BRWD1: variants seen among roughly 807,000 people sequenced by gnomAD.
BRWD1 encodes bromodomain and WD repeat-containing protein 1.
Under a neutral mutation model 251.2 loss-of-function variants are expected in BRWD1, and 82 were observed. That is an observed-to-expected ratio of 0.33 (90% CI 0.27 to 0.39). BRWD1 has a LOEUF of 0.39. BRWD1 is among the 10% of genes least tolerant of loss of function. The pLI, the probability that BRWD1 is intolerant of heterozygous loss-of-function variation, is 1.00. For missense variants in BRWD1, 2,233 were observed against 2,711.6 expected (o/e 0.82, Z 3.92); for synonymous variants, 918 against 902.8 (o/e 1.02, Z -0.30).
intron 19 of BRWD1, 84 bp downstream of exon 19, chr21:39,255,561 T>C: frequency 6.1e-6 from 7 of 1,140,356 alleles, no homozygotes; most frequent in Non-Finnish European, 8.9e-6. Flanking sequence ...ATTTACACAA[T>C]TAATGGAATA....
upstream of BRWD1, chr21:39,314,743 A>G (rs1009662606): frequency 5.6e-5 from 12 of 214,458 alleles, no homozygotes. Flanking sequence ...TACACACCAC[A>G]TAGACGTTAA....
At position 39,194,892 on chromosome 21, in the gene BRWD1, A is replaced by G; in HGVS notation, c.*1367T>C. On this transcript the variant is annotated 3_prime_UTR_variant, in exon 41 of 41. Transcript: ENST00000342449. ...CTGAAATCAAACACAATTAGGGCTAATAAATAACTTACAGGTGGGGTACTG... is the reference window on the plus strand; with the variant it reads ...CTGAAATCAAACACAATTAGGGCTAGTAAATAACTTACAGGTGGGGTACTG... 6.5e-7 allele frequency: 1 copy of G among 1,527,300 alleles called. No homozygotes were observed. The highest frequency in any genetic ancestry group is 8.8e-7 in the Non-Finnish European group (1 of 1,141,816). The allele number at this position is 1,527,300 out of a possible 1,614,324, so 94.6% of individuals were successfully genotyped here.
At chr21:39,255,408 G>A (rs1010148792) in intron 19 of BRWD1, among the ~76,000 whole-genome samples, 17 of 150,332 alleles carry the variant, frequency 1.1e-4, no homozygotes, top group African/African-American at 3.4e-4. Context: ...GCGAAACTCC[G>A]TCTCGAAAAA....
upstream of BRWD1, among the ~76,000 whole-genome samples, chr21:39,315,373 C>G (rs1469498887): frequency 2.0e-5 from 3 of 151,946 alleles, no homozygotes; most frequent in Non-Finnish European, 4.4e-5. Context: ...GTGGCTCACG[C>G]CTGTAGTCCC....
chr21:39,275,870 T>TA lies in BRWD1; in HGVS notation c.1145+302dup, dbSNP rs796651362. Among the ~76,000 whole-genome samples, 24 of 151,964 alleles carry TA rather than the reference T, an allele frequency of 1.6e-4. 1 individual carries two copies. The highest frequency in any genetic ancestry group is 5.8e-4 in the African/African-American group (24 of 41,442). ...CAACATGGAGGAACCCCGTCTCTACTAAAAATACAAAGTTAGCCGGGCACA... is the reference window on the plus strand; with the variant it reads ...CAACATGGAGGAACCCCGTCTCTACTAAAAAATACAAAGTTAGCCGGGCACA... On this transcript the variant is annotated intron_variant, in intron 12 of 40. Transcript: ENST00000342449.
intron 4 of BRWD1, among the ~76,000 whole-genome samples, chr21:39,303,519 CAAAA>C (rs34013314): frequency 3.3e-5 from 3 of 91,726 alleles, no homozygotes; most frequent in Non-Finnish European, 2.0e-5. Context: ...ACTCCATCTC[CAAAA>C]AAAAAAAAAA....
intron 18 of BRWD1, among the ~76,000 whole-genome samples, chr21:39,256,782 G>C (rs370184402): frequency 1.3e-5 from 2 of 152,210 alleles, no homozygotes; most frequent in African/African-American, 4.8e-5. Context: ...TGATTCTTGT[G>C]GGAGGCTATG....
At position 39,258,542 on chromosome 21, in the gene BRWD1, T is replaced by C. The variant is rs377176760; in HGVS notation, c.2016A>G (p.Ala672=). The C allele has an allele frequency of 6.2e-7, 1 of 1,613,358 alleles. No homozygotes were observed. Among genetic ancestry groups the C allele is most frequent in the East Asian group, 2.2e-5 (1 of 44,838 alleles). The change falls in exon 18 of 41, where the codon GCA becomes GCG. Residue 672 remains alanine (A), a synonymous_variant. Coordinates refer to ENST00000342449, the MANE Select transcript of BRWD1 (RefSeq NM_033656.4). ...GTCCTCTTGGAATAGTATCCTGATC[T>C]GCTCCCATTCTCTGATCTTGCTGCT... ...LQQQQDQRMG[A]DQDTIPRGLS... is the part of the protein sequence containing the mutation.
Position 39,191,223 on chromosome 21 carries a change from G to C in BRWD1, c.*5036C>G. 3 of 985,298 alleles carry C rather than the reference G, an allele frequency of 3.0e-6. No homozygotes were observed. The highest frequency in any genetic ancestry group is 3.6e-6 in the Non-Finnish European group (3 of 829,906). 61.0% of individuals were successfully genotyped at this position (985,298 alleles called of 1,614,324 possible). A position where few individuals can be genotyped will look rare whatever the true frequency, so the allele number is the denominator to read the frequency against. On this transcript the variant is annotated 3_prime_UTR_variant, in exon 41 of 41. Coordinates refer to ENST00000342449, the MANE Select transcript of BRWD1 (RefSeq NM_033656.4). Reference sequence around the variant, plus strand: ...AATCCAATGGCAAACCCCTTTTCCAGCAGGGCTCCTGACTCGCTTCAGTTC... The same window carrying C: ...AATCCAATGGCAAACCCCTTTTCCACCAGGGCTCCTGACTCGCTTCAGTTC...
chr21:39,290,271 C>T (rs376755254), intron 8 of BRWD1, among the ~76,000 whole-genome samples: 1 of 151,568 alleles, frequency 6.6e-6, no homozygotes, highest in South Asian at 2.1e-4. Flanking sequence ...AGGTGGATCA[C>T]GAGGTCAGGA....
Position 39,196,549 on chromosome 21 carries a change from T to C in BRWD1, c.6520A>G (p.Thr2174Ala), listed in dbSNP as rs141734528. The stretch of plus-strand genomic sequence containing the variant: ...TTCGTTTTCCTCCTTTTGGTTTTTG[T>C]ATTATCAGTACAGTCAATATCTGAT... ...TESDIDCTDN[T>A]KTKRRKTKGK... Residue 2174 changes from threonine to alanine, a missense_variant, in exon 41 of 41, where the codon ACA becomes GCA. Transcript: ENST00000342449. 2.5e-6 allele frequency: 4 copies of C among 1,613,588 alleles called. No individual in the cohort carries two copies. In the African/African-American group the frequency reaches 4.0e-5, roughly 16 times the overall value.
intron 4 of BRWD1, 106 bp from the exon 5 acceptor site, chr21:39,298,688 T>G: frequency 2.3e-6 from 2 of 858,068 alleles, no homozygotes; most frequent in South Asian, 6.1e-5. Flanking sequence ...CTGAAAACTG[T>G]AAAACATGCT....
intron 4 of BRWD1, among the ~76,000 whole-genome samples, chr21:39,310,684 ACTT>A (rs1033047036): frequency 3.9e-5 from 6 of 152,138 alleles, no homozygotes; most frequent in African/African-American, 7.2e-5. Context: ...CATCTGAAAT[ACTT>A]CTTTTTTGTT....
chr21:39,313,793 G>C (rs1016104066), upstream of BRWD1: 1 of 384,002 alleles, frequency 2.6e-6, no homozygotes, highest in Admixed American at 5.1e-5. Context: ...ACTCGATGAG[G>C]AGAAAGTGAC....
At chr21:39,254,033 G>A (rs865794048) in intron 19 of BRWD1, among the ~76,000 whole-genome samples, 1 of 152,170 alleles carries the variant, frequency 6.6e-6, no homozygotes, top group Non-Finnish European at 1.5e-5. Context: ...TTGGGAGGCC[G>A]AGGCAGGCAG....
chr21:39,312,949 G>C (rs1460433355), intron 3 of BRWD1, 49 bp from the exon 4 acceptor site: 9 of 278,912 alleles, frequency 3.2e-5, no homozygotes, highest in Non-Finnish European at 4.7e-5. Flanking sequence ...CGGCGCGGGG[G>C]GGGCGGGGGG....
At chr21:39,281,524 G>A (rs2035456466) in intron 8 of BRWD1, among the ~76,000 whole-genome samples, 1 of 152,078 alleles carries the variant, frequency 6.6e-6, no homozygotes, top group South Asian at 2.1e-4. Flanking sequence ...GCGAAACCCT[G>A]TCTCTACAAA....
chr21:39,196,236 A>G lies in BRWD1; in HGVS notation c.*23T>C, dbSNP rs774316966. 2.6e-6 allele frequency: 4 copies of G among 1,530,922 alleles called. No individual in the cohort carries two copies. The highest frequency in any genetic ancestry group is 3.5e-6 in the Non-Finnish European group (4 of 1,143,992). 94.8% of individuals were successfully genotyped at this position (1,530,922 alleles called of 1,614,324 possible). A position where few individuals can be genotyped will look rare whatever the true frequency, so the allele number is the denominator to read the frequency against. On this transcript the variant is annotated 3_prime_UTR_variant, in exon 41 of 41. Transcript: ENST00000342449. ...ATAAATGCCAGTCCATTTCCTCTTA[A>G]ATGAACTGGCTTTCCCTCAAGGTCA...
Position 39,187,936 on chromosome 21 carries a change from G to GA in BRWD1, c.*8322dup. The GA allele has an allele frequency of 1.0e-6, 1 of 983,274 alleles. No individual in the cohort carries two copies. Among genetic ancestry groups the GA allele is most frequent in the Non-Finnish European group, 1.2e-6 (1 of 827,992 alleles). 60.9% of individuals were successfully genotyped at this position (983,274 alleles called of 1,614,324 possible). A position where few individuals can be genotyped will look rare whatever the true frequency, so the allele number is the denominator to read the frequency against. ...TTAAGGAAGCTTTTAGACGAGAGGT[G>GA]AAAATTGTGAAGGGATTTGCCAGAC... On this transcript the variant is annotated 3_prime_UTR_variant, in exon 41 of 41. Coordinates refer to ENST00000342449, the MANE Select transcript of BRWD1 (RefSeq NM_033656.4).
Sources: allele counts gnomAD v4.1 joint callset (sites outside exome capture counted in the v4.1 genomes callset), GRCh38; gene constraint gnomAD v4.1.1; transcripts MANE v1.5; gene names NCBI Gene and HGNC (gene_info 2026-07-23, HGNC 2026-07-21).